RAET1E: variants seen among roughly 807,000 people sequenced by gnomAD.
RAET1E encodes the protein NKG2D ligand 4.
A neutral mutation model predicts 21.1 loss-of-function variants in RAET1E; 27 were observed. That is an observed-to-expected ratio of 1.28 (90% CI 0.94 to 1.76). RAET1E has a LOEUF of 1.76. Among genes scored for constraint, RAET1E ranks in the 40% most tolerant of loss-of-function variants. The pLI is 0.00. For synonymous variants in RAET1E, 113 were observed against 115.0 expected (o/e 0.98, Z 0.11); for missense variants, 310 against 311.3 (o/e 1.00, Z 0.03).
At chr6:149,896,646 G>C (rs992799269) in intron 1 of RAET1E, among the ~76,000 whole-genome samples, 2 of 139,086 alleles carry the variant, frequency 1.4e-5, no homozygotes, top group South Asian at 2.1e-4. Context: ...GTGTGTGTTT[G>C]TGTGTGTGTG....
In RAET1E at chr6:149,886,822, T is replaced by C. The variant is rs986442378; in HGVS notation, c.*1676A>G. Among the ~76,000 whole-genome samples the C allele has an allele frequency of 1.3e-5, 2 of 152,234 alleles. No individual in the cohort carries two copies. Among genetic ancestry groups the C allele is most frequent in the East Asian group, 3.8e-4 (2 of 5,198 alleles). On this transcript the variant is annotated 3_prime_UTR_variant, in exon 6 of 6. Coordinates refer to ENST00000357183, the MANE Select transcript of RAET1E (RefSeq NM_001394057.1). ...ATCAGCTTTTTCTCTCTTCTGTCACTTCAGCAGAAACAATGCCCAGAAATG... is the reference window on the plus strand; with the variant it reads ...ATCAGCTTTTTCTCTCTTCTGTCACCTCAGCAGAAACAATGCCCAGAAATG...
Position 149,884,557 on chromosome 6 carries a change from T to C in RAET1E, c.*3941A>G. 2.7e-6 allele frequency: 4 copies of C among 1,503,478 alleles called. No homozygotes were observed. The highest frequency in any genetic ancestry group is 2.5e-5 in the East Asian group (1 of 40,568). 93.1% of individuals were successfully genotyped at this position (1,503,478 alleles called of 1,614,324 possible). A position where few individuals can be genotyped will look rare whatever the true frequency, so the allele number is the denominator to read the frequency against. On this transcript the variant is annotated 3_prime_UTR_variant, in exon 6 of 6. Transcript: ENST00000357183. Reference sequence around the variant, plus strand: ...AACCCTGGGTCAGATCAGCTCAGGATTGACCCCTCCGTGATCTCTCAGGAC... The same window carrying C: ...AACCCTGGGTCAGATCAGCTCAGGACTGACCCCTCCGTGATCTCTCAGGAC...
intron 2 of RAET1E, among the ~76,000 whole-genome samples, chr6:149,891,792 A>G (rs564798048): frequency 2.6e-5 from 4 of 152,206 alleles, no homozygotes; most frequent in East Asian, 1.9e-4. Flanking sequence ...GTTTTGTTAC[A>G]TAGGTATATA....
chr6:149,888,692 A>ACAAAAG, intron 5 of RAET1E, 25 bp from the exon 6 acceptor site: 1 of 1,468,478 alleles, frequency 6.8e-7, no homozygotes. Flanking sequence ...AAAAAGAAAA[A>ACAAAAG]AAAGCACAAG....
intron 2 of RAET1E, among the ~76,000 whole-genome samples, chr6:149,891,921 C>T (rs1479937550): frequency 1.3e-5 from 2 of 152,124 alleles, no homozygotes; most frequent in Non-Finnish European, 2.9e-5. Flanking sequence ...ATGTTCCCCT[C>T]CCTGTGTCCA....
intron 1 of RAET1E, among the ~76,000 whole-genome samples, chr6:149,896,725 TAGC>T (rs1454743857): frequency 6.6e-6 from 1 of 152,030 alleles, no homozygotes; most frequent in Non-Finnish European, 1.5e-5. Flanking sequence ...AGTAGCTCCT[TAGC>T]AGGGCCAATA....
intron 5 of RAET1E, 121 bp from the exon 6 acceptor site, chr6:149,888,788 A>G: frequency 7.2e-7 from 1 of 1,387,676 alleles, no homozygotes; most frequent in East Asian, 2.5e-5. Flanking sequence ...CCACATAATC[A>G]CTGGCTCATG....
At position 149,888,415 on chromosome 6, in the gene RAET1E, C is replaced by T. The variant is rs1777704661; in HGVS notation, c.*83G>A. The T allele has an allele frequency of 6.6e-7, 1 of 1,522,150 alleles. No homozygotes were observed. The highest frequency in any genetic ancestry group is 9.0e-7 in the Non-Finnish European group (1 of 1,114,518). 94.3% of individuals were successfully genotyped at this position (1,522,150 alleles called of 1,614,324 possible). A position where few individuals can be genotyped will look rare whatever the true frequency, so the allele number is the denominator to read the frequency against. On this transcript the variant is annotated 3_prime_UTR_variant, in exon 6 of 6. Coordinates refer to ENST00000357183, the MANE Select transcript of RAET1E (RefSeq NM_001394057.1). ...GTGGGGGCTCAAGACTAAGGCAGTGCACCATTTCTGTGGAGAGAGATGGAT... is the reference window on the plus strand; with the variant it reads ...GTGGGGGCTCAAGACTAAGGCAGTGTACCATTTCTGTGGAGAGAGATGGAT...
At chr6:149,897,576 C>T (rs1193125549) in intron 1 of RAET1E, among the ~76,000 whole-genome samples, 7 of 152,240 alleles carry the variant, frequency 4.6e-5, no homozygotes, top group Middle Eastern at 3.4e-3. Flanking sequence ...CTTGAGGTCC[C>T]GGCCAATGGT....
chr6:149,893,672 T>G (rs1426356070), intron 2 of RAET1E, among the ~76,000 whole-genome samples: 1 of 152,196 alleles, frequency 6.6e-6, no homozygotes, highest in Non-Finnish European at 1.5e-5. Flanking sequence ...CTTCCTCTTC[T>G]CTTGTTTGAA....
chr6:149,893,671 C>T (rs1778000032), intron 2 of RAET1E, among the ~76,000 whole-genome samples: 1 of 152,114 alleles, frequency 6.6e-6, no homozygotes, highest in Non-Finnish European at 1.5e-5. Flanking sequence ...ACTTCCTCTT[C>T]TCTTGTTTGA....
intron 2 of RAET1E, 31 bp downstream of exon 2, chr6:149,895,815 G>A (rs1027281169): frequency 6.6e-6 from 1 of 152,190 alleles, no homozygotes; most frequent in East Asian, 1.9e-4. Context: ...AATAGACAAG[G>A]TGGCTGAAAC....
rs140312636 is a variant in RAET1E, at chr6:149,893,677, T to C, written c.-134+2169A>G. On this transcript the variant is annotated intron_variant, in intron 2 of 5. Transcript: ENST00000357183. ...GACAATTTGACTTCCTCTTCTCTTG[T>C]TTGAATGTACTTTATTGCTTTCTCT... Among the ~76,000 whole-genome samples, 310 of 152,282 alleles carry C rather than the reference T, an allele frequency of 2.0e-3. 2 individuals carry two copies. The highest frequency in any genetic ancestry group is 7.2e-3 in the African/African-American group (298 of 41,544).
chr6:149,896,356 C>T (rs1778112965), intron 1 of RAET1E: 1 of 152,272 alleles, frequency 6.6e-6, no homozygotes, highest in African/African-American at 2.4e-5. Context: ...GGGTTGTCTG[C>T]TCAGAGGACA....
In RAET1E at chr6:149,886,999, T is replaced by C. The variant is rs7758033; in HGVS notation, c.*1499A>G. Among the ~76,000 whole-genome samples the C allele has an allele frequency of 0.47, 70,859 of 151,996 alleles. 17,302 individuals carry two copies. Among genetic ancestry groups the C allele is most frequent in the East Asian group, 0.88 (4,561 of 5,164 alleles). ...ATATTTTTTTCCCCTTGAATTGTAA[T>C]ACACCTTTCCCCAGGCCCACTCTGC... On this transcript the variant is annotated 3_prime_UTR_variant, in exon 6 of 6. Transcript: ENST00000357183.
intron 3 of RAET1E, 91 bp downstream of exon 3, chr6:149,890,726 G>C (rs978111294): frequency 4.7e-6 from 4 of 853,560 alleles, no homozygotes; most frequent in African/African-American, 3.3e-5. Flanking sequence ...GCACCCACTT[G>C]TCTGAAGCCT....
intron 1 of RAET1E, among the ~76,000 whole-genome samples, chr6:149,896,464 G>A (rs1778117206): frequency 6.6e-6 from 1 of 152,078 alleles, no homozygotes; most frequent in Admixed American, 6.6e-5. Context: ...CAATTTTGAG[G>A]GTGCACTTCC....
Position 149,884,479 on chromosome 6 carries a change from G to T in RAET1E, c.*4019C>A. On this transcript the variant is annotated 3_prime_UTR_variant, in exon 6 of 6. Transcript: ENST00000357183. ...AGGTGAACAACTCTGCGCCGCCGTGGTATCACCTCTAGGTGGATCTTCTGC... is the reference window on the plus strand; with the variant it reads ...AGGTGAACAACTCTGCGCCGCCGTGTTATCACCTCTAGGTGGATCTTCTGC... 6.5e-7 allele frequency: 1 copy of T among 1,535,802 alleles called. No individual in the cohort carries two copies. Among genetic ancestry groups the T allele is most frequent in the South Asian group, 1.2e-5 (1 of 84,050 alleles).
chr6:149,883,695 T>A lies in RAET1E; in HGVS notation c.*4803A>T, dbSNP rs181023516. 2.0e-3 allele frequency: 302 copies of A among 152,116 alleles called. 1 individual carries two copies. The highest frequency in any genetic ancestry group is 7.7e-3 in the African/African-American group (290 of 37,510). 9.4% of individuals were successfully genotyped at this position (152,116 alleles called of 1,614,324 possible). The stretch of plus-strand genomic sequence containing the variant: ...CTGGGAGATAGAGTGAGACTCTGTC[T>A]CAAAAAAACAAACAAACAAACAAAG... On this transcript the variant is annotated 3_prime_UTR_variant, in exon 6 of 6. Coordinates refer to ENST00000357183, the MANE Select transcript of RAET1E (RefSeq NM_001394057.1).
Sources: gnomAD v4.1 joint callset for allele counts (sites outside exome capture counted in the v4.1 genomes callset) on GRCh38, gnomAD v4.1.1 for gene constraint, MANE v1.5 for transcripts, NCBI Gene and HGNC (gene_info 2026-07-23, HGNC 2026-07-21) for gene names.